The following EIPR1 variants were observed in gnomAD, a reference collection of about 807,000 sequenced individuals.
The protein encoded by EIPR1 is EARP complex and GARP complex interacting protein 1, also known as EARP and GARP complex-interacting protein 1.
Under a neutral mutation model 48.1 loss-of-function variants are expected in EIPR1, and 25 were observed. The observed-to-expected ratio is 0.52, with a 90% CI of 0.38 to 0.73. EIPR1 has a LOEUF of 0.73. Ranked by LOEUF, EIPR1 falls within the 30% of genes least tolerant of loss-of-function variation. EIPR1 has a pLI of 0.00. For missense variants in EIPR1, 415 were observed against 506.2 expected, an observed-to-expected ratio of 0.82 and a Z score of 1.73; for synonymous variants, 204 against 201.9, an observed-to-expected ratio of 1.01 and a Z score of -0.09.
chr2:3,206,349 GAC>G (rs1329189537), intron 5 of EIPR1, among the ~76,000 whole-genome samples: 1 of 152,198 alleles, frequency 6.6e-6, no homozygotes, highest in Non-Finnish European at 1.5e-5. Flanking sequence ...GCTTGAATGG[GAC>G]ACAGAGCCCC....
chr2:3,240,575 G>C (rs1237596710), intron 4 of EIPR1, among the ~76,000 whole-genome samples: 1 of 149,716 alleles, frequency 6.7e-6, no homozygotes, highest in Non-Finnish European at 1.5e-5. Flanking sequence ...CTAAAGCAAA[G>C]CCAGCAGACC....
rs935216094 is a variant in EIPR1 at position 3,359,227 on chromosome 2, C to T, written c.43-4594G>A. On this transcript the variant is annotated intron_variant, in intron 1 of 8. Transcript: ENST00000382125. ...CAGAAGGCAGGATTAAATGCCATCA[C>T]TTTAAAATAGAAGAAAACCAAAAAT... 3.3e-5 allele frequency among the ~76,000 whole-genome samples: 5 copies of T among 152,168 alleles called. No individual in the cohort carries two copies. The South Asian group carries it at 1.0e-3, about 32-fold the overall frequency.
chr2:3,212,454 C>G (rs992789023), intron 5 of EIPR1, among the ~76,000 whole-genome samples: 2 of 151,310 alleles, frequency 1.3e-5, no homozygotes, highest in Non-Finnish European at 1.5e-5. Flanking sequence ...GGAATGGAGC[C>G]CTCTGCCCAA....
At position 3,248,808 on chromosome 2, in the gene EIPR1, G is replaced by T. The variant is rs1316556388; in HGVS notation, c.416+8491C>A. On this transcript the variant is annotated intron_variant, in intron 4 of 8. Coordinates refer to ENST00000382125, the MANE Select transcript of EIPR1 (RefSeq NM_003310.5). ...AAATTAAATTAAAAATAAAGAGTCT[G>T]GGACTTCCCCATTCTCTCTCTTGCT... is the stretch of plus-strand genomic sequence containing the variant. Among the ~76,000 whole-genome samples the T allele has an allele frequency of 3.3e-5, 5 of 152,054 alleles. No individual in the cohort carries two copies. The East Asian group carries it at 9.6e-4, about 29-fold the overall frequency.
At chr2:3,193,859 T>C (rs1280727896) in intron 7 of EIPR1, 140 bp downstream of exon 7, 3 of 865,544 alleles carry the variant, frequency 3.5e-6, no homozygotes, top group South Asian at 2.3e-5. Flanking sequence ...AGTGTTTCTT[T>C]AGGAAAAATA....
At chr2:3,370,385 G>T (rs1386556787) in intron 1 of EIPR1, among the ~76,000 whole-genome samples, 1 of 152,176 alleles carries the variant, frequency 6.6e-6, no homozygotes, top group African/African-American at 2.4e-5. Context: ...AAAGCTGGAC[G>T]GAGAATGACT....
chr2:3,297,234 G>A (rs1006697325), intron 3 of EIPR1, among the ~76,000 whole-genome samples: 8 of 152,236 alleles, frequency 5.3e-5, no homozygotes, highest in East Asian at 1.9e-4. Context: ...ATCCGACTAC[G>A]GAATAAAGAG....
intron 4 of EIPR1, among the ~76,000 whole-genome samples, chr2:3,248,580 C>A (rs1421728679): frequency 6.6e-6 from 1 of 150,580 alleles, no homozygotes; most frequent in Non-Finnish European, 1.5e-5. Context: ...GGCAACAGAC[C>A]AAGACTCCGT....
intron 3 of EIPR1, among the ~76,000 whole-genome samples, chr2:3,278,867 C>T (rs751753428): frequency 3.9e-5 from 6 of 152,176 alleles, no homozygotes; most frequent in Non-Finnish European, 5.9e-5. Flanking sequence ...GGGGGCACTG[C>T]CCAACCTCCC....
intron 3 of EIPR1, among the ~76,000 whole-genome samples, chr2:3,267,894 C>T (rs1667540635): frequency 6.6e-6 from 1 of 152,224 alleles, no homozygotes; most frequent in Admixed American, 6.5e-5. Flanking sequence ...TCTACCTGTG[C>T]CAGTGACCCA....
At chr2:3,339,688 C>A (rs1321984972) in intron 2 of EIPR1, among the ~76,000 whole-genome samples, 1 of 152,140 alleles carries the variant, frequency 6.6e-6, no homozygotes, top group Non-Finnish European at 1.5e-5. Flanking sequence ...GTGGCTCACG[C>A]CTGTAATTGT....
chr2:3,300,764 A>C (rs1668740712), intron 3 of EIPR1: 1 of 152,242 alleles, frequency 6.6e-6, no homozygotes, highest in African/African-American at 2.4e-5. Flanking sequence ...AATGGTCCAA[A>C]AGCGTTTGTA....
In EIPR1 at chr2:3,197,003, C is replaced by A; in HGVS notation, c.531G>T (p.Ala177=). The change falls in exon 6 of 9, where the codon GCG becomes GCT. Residue 177 remains alanine (A), a synonymous_variant. Transcript: ENST00000382125. ...TCAGTTGTCCCTTCCCTTCCAGGGA[C>A]GCTGAGCTGGCCAGCTGGGAGTGTC... is the stretch of plus-strand genomic sequence containing the variant. The part of the protein sequence containing the change: ...SSSQAVLASS[A]SLEGKGQLKF... 3 of 1,613,854 alleles carry A rather than the reference C, an allele frequency of 1.9e-6. No homozygotes were observed. Among genetic ancestry groups the A allele is most frequent in the Non-Finnish European group, 2.5e-6 (3 of 1,180,014 alleles).
chr2:3,307,630 G>A (rs1358125034), intron 3 of EIPR1, among the ~76,000 whole-genome samples: 1 of 152,226 alleles, frequency 6.6e-6, no homozygotes, highest in Non-Finnish European at 1.5e-5. Flanking sequence ...TCTCGCTCAT[G>A]TGCCAGCTAA....
At chr2:3,204,169 C>A (rs566214180) in intron 5 of EIPR1, among the ~76,000 whole-genome samples, 2 of 152,302 alleles carry the variant, frequency 1.3e-5, no homozygotes, top group Admixed American at 6.5e-5. Flanking sequence ...GGGCTGTGGC[C>A]CCCCTTACTG....
chr2:3,209,445 G>T lies in EIPR1; in HGVS notation c.516+4704C>A, dbSNP rs372820749. ...GGGAAGCTCGGACTCCGTGTCCCCC[G>T]CATGGCGAGGGTGCGTGGAAGGAGG... On this transcript the variant is annotated intron_variant, in intron 5 of 8. Coordinates refer to ENST00000382125, the MANE Select transcript of EIPR1 (RefSeq NM_003310.5). Among the ~76,000 whole-genome samples the T allele has an allele frequency of 1.4e-4, 22 of 152,316 alleles. No individual in the cohort carries two copies. The South Asian group carries it at 4.4e-3, about 30-fold the overall frequency.
At chr2:3,287,178 TC>T (rs1405787715) in intron 3 of EIPR1, among the ~76,000 whole-genome samples, 1 of 152,134 alleles carries the variant, frequency 6.6e-6, no homozygotes, top group Admixed American at 6.5e-5. Context: ...ACAAAGCTCG[TC>T]CACCACACTC....
intron 3 of EIPR1, among the ~76,000 whole-genome samples, chr2:3,313,698 C>T (rs578126240): frequency 1.8e-4 from 27 of 152,298 alleles, no homozygotes; most frequent in African/African-American, 5.8e-4. Flanking sequence ...TGGGCTTTAT[C>T]GCCCTAGCTT....
At chr2:3,290,058 C>T (rs960317391) in intron 3 of EIPR1, among the ~76,000 whole-genome samples, 14 of 152,246 alleles carry the variant, frequency 9.2e-5, no homozygotes, top group African/African-American at 3.4e-4. Context: ...TCCTTTATCC[C>T]ATTGCACAAA....
Sources: gnomAD v4.1 joint callset for allele counts (sites outside exome capture counted in the v4.1 genomes callset) on GRCh38, gnomAD v4.1.1 for gene constraint, MANE v1.5 for transcripts, NCBI Gene and HGNC (gene_info 2026-07-23, HGNC 2026-07-21) for gene names.